Variants in MEOX2 observed in about 807,000 individuals in gnomAD.
MEOX2 encodes mesenchyme homeobox 2.
In MEOX2, 11 loss-of-function variants were observed where a neutral mutation model predicts 27.0. The observed-to-expected ratio is 0.41, with a 90% CI of 0.26 to 0.68. The LOEUF is 0.68. Among genes scored for constraint, MEOX2 ranks in the 30% least tolerant of loss-of-function variants. The probability of loss-of-function intolerance (pLI) is 0.33; values close to 1 mark genes in which losing one functional copy is unlikely to be tolerated. For synonymous variants in MEOX2, 189 were observed against 155.4 expected (o/e 1.22, Z -1.61); for missense variants, 436 against 385.4 (o/e 1.13, Z -1.10).
intron 1 of MEOX2, among the ~76,000 whole-genome samples, chr7:15,659,941 T>C (rs1374067326): frequency 6.6e-6 from 1 of 152,208 alleles, no homozygotes; most frequent in African/African-American, 2.4e-5. Context: ...CTACAGACTT[T>C]GTCTCTGTAA....
chr7:15,643,891 G>A (rs992995711), intron 1 of MEOX2, among the ~76,000 whole-genome samples: 3 of 152,126 alleles, frequency 2.0e-5, no homozygotes, highest in East Asian at 3.9e-4. Flanking sequence ...TCTGGCCCTC[G>A]GGGTCAAGCA....
At chr7:15,632,732 G>A (rs1354344533) in intron 1 of MEOX2, among the ~76,000 whole-genome samples, 1 of 151,844 alleles carries the variant, frequency 6.6e-6, no homozygotes. Context: ...ACAAAACCGG[G>A]ACAAGTCTTC....
intron 2 of MEOX2, among the ~76,000 whole-genome samples, chr7:15,613,861 T>G (rs9638727): frequency 6.6e-6 from 1 of 151,626 alleles, no homozygotes; most frequent in African/African-American, 2.4e-5. Flanking sequence ...TTTTTCTATA[T>G]GTAATGCTGC....
chr7:15,666,019 C>G (rs1277493425), intron 1 of MEOX2, among the ~76,000 whole-genome samples: 1 of 152,042 alleles, frequency 6.6e-6, no homozygotes, highest in Non-Finnish European at 1.5e-5. Flanking sequence ...AGAACCCCTT[C>G]CAATTCTAAC....
At chr7:15,646,998 C>A (rs944002932) in intron 1 of MEOX2, among the ~76,000 whole-genome samples, 1 of 151,862 alleles carries the variant, frequency 6.6e-6, no homozygotes, top group Admixed American at 6.6e-5. Context: ...CATACTCCCC[C>A]AAGAAACAAA....
At chr7:15,615,921 T>C (rs1007170246) in intron 2 of MEOX2, among the ~76,000 whole-genome samples, 5 of 151,986 alleles carry the variant, frequency 3.3e-5, no homozygotes, top group African/African-American at 1.2e-4. Context: ...ATAGTAATTA[T>C]ATAATATCAG....
At chr7:15,612,915 A>G (rs957331565) in intron 2 of MEOX2, among the ~76,000 whole-genome samples, 4 of 152,196 alleles carry the variant, frequency 2.6e-5, no homozygotes, top group Non-Finnish European at 4.4e-5. Flanking sequence ...TGCGTCTATA[A>G]AGAGCTTCTG....
At chr7:15,670,521 T>C (rs1782078053) in intron 1 of MEOX2, among the ~76,000 whole-genome samples, 1 of 151,760 alleles carries the variant, frequency 6.6e-6, no homozygotes, top group South Asian at 2.1e-4. Context: ...CTGGAGTTAC[T>C]GACATATGAA....
At chr7:15,614,485 C>G (rs1174049473) in intron 2 of MEOX2, among the ~76,000 whole-genome samples, 2 of 151,972 alleles carry the variant, frequency 1.3e-5, no homozygotes, top group Non-Finnish European at 2.9e-5. Flanking sequence ...AGTATATAGT[C>G]TGAAGAATAG....
intron 1 of MEOX2, chr7:15,681,717 G>A (rs1016029561): frequency 5.9e-5 from 9 of 151,630 alleles, no homozygotes; most frequent in Non-Finnish European, 1.0e-4. Context: ...CAGTTTATTA[G>A]TAAAGATCAG....
chr7:15,643,513 G>T (rs1781595503), intron 1 of MEOX2, among the ~76,000 whole-genome samples: 1 of 152,136 alleles, frequency 6.6e-6, no homozygotes, highest in African/African-American at 2.4e-5. Flanking sequence ...GCTGCGGTTT[G>T]CAGCCCAGCA....
chr7:15,673,117 G>C (rs1782130232), intron 1 of MEOX2, among the ~76,000 whole-genome samples: 1 of 152,100 alleles, frequency 6.6e-6, no homozygotes, highest in African/African-American at 2.4e-5. Context: ...GCCAGAAATA[G>C]GATTTACCAA....
chr7:15,666,807 T>TATA (rs1491530316), intron 1 of MEOX2, among the ~76,000 whole-genome samples: 1 of 124,400 alleles, frequency 8.0e-6, no homozygotes, highest in African/African-American at 3.2e-5. Flanking sequence ...TATATATATA[T>TATA]TCAAATGGTA....
chr7:15,628,901 G>T (rs1548691), intron 1 of MEOX2, among the ~76,000 whole-genome samples: 1 of 151,964 alleles, frequency 6.6e-6, no homozygotes, highest in East Asian at 1.9e-4. Context: ...TATTCAGATA[G>T]CAAGACCTTC....
chr7:15,650,815 T>A (rs2115376846), intron 1 of MEOX2, among the ~76,000 whole-genome samples: 1 of 152,136 alleles, frequency 6.6e-6, no homozygotes, highest in Middle Eastern at 3.4e-3. Flanking sequence ...ATTTCCACAG[T>A]GATTTAAAAA....
chr7:15,624,595 A>G (rs1031118479), intron 2 of MEOX2, among the ~76,000 whole-genome samples: 1 of 152,132 alleles, frequency 6.6e-6, no homozygotes, highest in African/African-American at 2.4e-5. Flanking sequence ...CTAGCCTATA[A>G]GAAGATGAAA....
Position 15,685,974 on chromosome 7 carries a change from C to G in MEOX2, c.429G>C (p.Ala143=). ...SLGSSTPTGA[A]CAPGDYGRQA... ...GGCGGCCGTAGTCCCCCGGCGCGCA[C>G]GCGGCCCCAGTCGGGGTGCTGGAGC... Residue 143 remains alanine (A), a synonymous_variant, in exon 1 of 3, where the codon GCG becomes GCC. Coordinates refer to ENST00000262041, the MANE Select transcript of MEOX2 (RefSeq NM_005924.5). 1 of 1,610,756 alleles carries G rather than the reference C, an allele frequency of 6.2e-7. No individual in the cohort carries two copies. Among genetic ancestry groups the G allele is most frequent in the Non-Finnish European group, 8.5e-7 (1 of 1,179,712 alleles).
intron 1 of MEOX2, chr7:15,680,562 T>C (rs1460453914): frequency 6.6e-6 from 1 of 151,960 alleles, no homozygotes; most frequent in East Asian, 1.9e-4. Flanking sequence ...CAACTAACTT[T>C]ACTTTACACC....
At chr7:15,681,591 T>C (rs1178796764) in intron 1 of MEOX2, 1 of 151,840 alleles carries the variant, frequency 6.6e-6, no homozygotes, top group Non-Finnish European at 1.5e-5. Context: ...AATTAAGTTC[T>C]TAGGATGTTT....
Sources: gnomAD v4.1 joint callset for allele counts (sites outside exome capture counted in the v4.1 genomes callset) on GRCh38, gnomAD v4.1.1 for gene constraint, MANE v1.5 for transcripts, NCBI Gene and HGNC (gene_info 2026-07-23, HGNC 2026-07-21) for gene names.